The following SORCS1 variants were observed in gnomAD, a reference collection of about 807,000 sequenced individuals.
The protein encoded by SORCS1 is VPS10 domain-containing receptor SorCS1.
A neutral mutation model predicts 146.1 loss-of-function variants in SORCS1; 60 were observed. The ratio of observed to expected loss-of-function variants is 0.41; its 90% CI spans 0.33 to 0.51. The LOEUF (loss-of-function observed/expected upper bound fraction) is 0.51. Ranked by LOEUF, SORCS1 falls within the 20% of genes least tolerant of loss-of-function variation. The probability of loss-of-function intolerance (pLI) is 0.21; values close to 1 mark genes in which losing one functional copy is unlikely to be tolerated. For synonymous variants in SORCS1, 637 were observed against 584.0 expected (o/e 1.09, Z -1.31); for missense variants, 1,352 against 1,487.6 (o/e 0.91, Z 1.50).
intron 1 of SORCS1, among the ~76,000 whole-genome samples, chr10:107,090,300 GA>G (rs1964093045): frequency 6.6e-6 from 1 of 152,146 alleles, no homozygotes; most frequent in African/African-American, 2.4e-5. Flanking sequence ...AAGGAGAAAG[GA>G]AAATGGAATG....
At chr10:106,793,755 C>G (rs1263568541) in intron 3 of SORCS1, among the ~76,000 whole-genome samples, 1 of 152,162 alleles carries the variant, frequency 6.6e-6, no homozygotes, top group African/African-American at 2.4e-5. Context: ...TATTTCCAGC[C>G]AAATGTATAA....
chr10:106,654,481 T>A (rs1850126288), intron 17 of SORCS1, among the ~76,000 whole-genome samples: 1 of 152,212 alleles, frequency 6.6e-6, no homozygotes, highest in East Asian at 1.9e-4. Flanking sequence ...TTGATAGGAA[T>A]TCTTTATACC....
the SORCS1 span, among the ~76,000 whole-genome samples, chr10:107,173,301 A>G: frequency 3.9e-5 from 6 of 152,172 alleles, no homozygotes; most frequent in African/African-American, 1.4e-4. Flanking sequence ...TCTAGAATCT[A>G]ATATACAATA....
chr10:107,038,674 A>C (rs866525570), intron 1 of SORCS1, among the ~76,000 whole-genome samples: 85 of 121,688 alleles, frequency 7.0e-4, no homozygotes, highest in Middle Eastern at 9.4e-3. Flanking sequence ...GACACTGCCC[A>C]CCCCCAACCC....
At chr10:106,927,346 G>A (rs1019905245) in intron 2 of SORCS1, among the ~76,000 whole-genome samples, 5 of 151,934 alleles carry the variant, frequency 3.3e-5, no homozygotes, top group Non-Finnish European at 7.4e-5. Flanking sequence ...CTTTTAAGGC[G>A]GCGCGTCTGG....
chr10:107,098,212 G>A (rs1707537578), intron 1 of SORCS1, among the ~76,000 whole-genome samples: 1 of 152,160 alleles, frequency 6.6e-6, no homozygotes, highest in Non-Finnish European at 1.5e-5. Context: ...TTCTCAGTAT[G>A]TCTTTCTTTA....
intron 3 of SORCS1, among the ~76,000 whole-genome samples, chr10:106,798,331 C>T (rs915455093): frequency 1.3e-5 from 2 of 152,186 alleles, no homozygotes; most frequent in Admixed American, 6.5e-5. Flanking sequence ...GGTACATGTG[C>T]ACAACGTGCA....
chr10:106,624,973 G>A (rs1033026177), intron 19 of SORCS1, among the ~76,000 whole-genome samples: 3 of 152,226 alleles, frequency 2.0e-5, no homozygotes, highest in Non-Finnish European at 4.4e-5. Context: ...GGCTGGCTGC[G>A]TTAAGTAGGA....
At chr10:106,978,074 G>T (rs1956106514) in intron 1 of SORCS1, among the ~76,000 whole-genome samples, 1 of 152,142 alleles carries the variant, frequency 6.6e-6, no homozygotes, top group Non-Finnish European at 1.5e-5. Flanking sequence ...CTCCTGAGTA[G>T]CTGGGATTAT....
At chr10:107,105,174 A>G (rs1466035497) in intron 1 of SORCS1, among the ~76,000 whole-genome samples, 1 of 152,186 alleles carries the variant, frequency 6.6e-6, no homozygotes, top group Non-Finnish European at 1.5e-5. Flanking sequence ...TGAAGAAATG[A>G]GTTCTGGGGG....
At chr10:107,020,728 T>C (rs1958091284) in intron 1 of SORCS1, among the ~76,000 whole-genome samples, 1 of 152,192 alleles carries the variant, frequency 6.6e-6, no homozygotes, top group African/African-American at 2.4e-5. Flanking sequence ...CTAAAGAATT[T>C]TGGAGGCTAT....
chr10:107,003,953 A>T (rs1957325544), intron 1 of SORCS1, among the ~76,000 whole-genome samples: 1 of 152,098 alleles, frequency 6.6e-6, no homozygotes. Flanking sequence ...AGGAGGGTGG[A>T]TCACAAGGTC....
intron 5 of SORCS1, among the ~76,000 whole-genome samples, chr10:106,752,233 A>G (rs1335162104): frequency 6.6e-6 from 1 of 152,190 alleles, no homozygotes; most frequent in Non-Finnish European, 1.5e-5. Context: ...CTGTGACATC[A>G]TCACATTTAA....
At chr10:106,983,162 T>A (rs1196670729) in intron 1 of SORCS1, among the ~76,000 whole-genome samples, 3 of 147,442 alleles carry the variant, frequency 2.0e-5, no homozygotes, top group Non-Finnish European at 4.5e-5. Context: ...ATACACATAT[T>A]TCTATATATA....
At chr10:106,916,223 C>T (rs1205614940) in intron 2 of SORCS1, among the ~76,000 whole-genome samples, 1 of 152,044 alleles carries the variant, frequency 6.6e-6, no homozygotes, top group Non-Finnish European at 1.5e-5. Context: ...AAAATGTAAA[C>T]ATTCTGAGAG....
chr10:107,153,171 T>G (rs1968971318), intron 1 of SORCS1, among the ~76,000 whole-genome samples: 1 of 151,894 alleles, frequency 6.6e-6, no homozygotes, highest in Non-Finnish European at 1.5e-5. Flanking sequence ...TGTCTCCTTC[T>G]CTCTGTTTTT....
At chr10:106,668,161 G>C (rs746833591) in intron 16 of SORCS1, among the ~76,000 whole-genome samples, 1 of 152,140 alleles carries the variant, frequency 6.6e-6, no homozygotes, top group Non-Finnish European at 1.5e-5. Flanking sequence ...CTCAACCCTT[G>C]GTGAGAAATT....
At chr10:106,777,085 G>A (rs931284446) in intron 3 of SORCS1, among the ~76,000 whole-genome samples, 3 of 152,126 alleles carry the variant, frequency 2.0e-5, no homozygotes, top group African/African-American at 7.2e-5. Context: ...TCTGCTGTGG[G>A]AAAAGTGGAA....
rs977312016 is a variant in SORCS1, at chr10:106,618,285, A to T, written c.2797-13T>A. Reference sequence around the variant, plus strand: ...AGGTGATCAAAGGCTAAAATAAACAAGGGCCCAGAGTGAAGGGAAAGCTCT... The same window carrying T: ...AGGTGATCAAAGGCTAAAATAAACATGGGCCCAGAGTGAAGGGAAAGCTCT... On this transcript the variant is annotated splice_polypyrimidine_tract_variant and intron_variant, in intron 20 of 25. Transcript: ENST00000263054. The T allele has an allele frequency of 6.2e-7, 1 of 1,613,030 alleles. No homozygotes were observed. The highest frequency in any genetic ancestry group is 1.1e-5 in the South Asian group (1 of 90,992).
Sources: gnomAD v4.1 joint callset for allele counts (sites outside exome capture counted in the v4.1 genomes callset) on GRCh38, gnomAD v4.1.1 for gene constraint, MANE v1.5 for transcripts, NCBI Gene and HGNC (gene_info 2026-07-23, HGNC 2026-07-21) for gene names.